Variants in PTPN12 observed in about 807,000 individuals in gnomAD.
The protein encoded by PTPN12 is protein tyrosine phosphatase non-receptor type 12, also known as tyrosine-protein phosphatase non-receptor type 12.
Under a neutral mutation model 97.6 loss-of-function variants are expected in PTPN12, and 29 were observed. The ratio of observed to expected loss-of-function variants is 0.30; its 90% confidence interval spans 0.22 to 0.41. PTPN12 has a LOEUF of 0.41. PTPN12 is among the 10% of genes least tolerant of loss of function. The pLI is 1.00. For synonymous variants in PTPN12, 327 were observed against 300.4 expected (o/e 1.09, Z -0.91); for missense variants, 819 against 926.0 (o/e 0.88, Z 1.50).
rs1225393267 is a variant in PTPN12 at position 77,632,430 on chromosome 7, G to C, written c.2074+5G>C. 7 of 1,598,864 alleles carry C rather than the reference G, an allele frequency of 4.4e-6. No homozygotes were observed. The highest frequency in any genetic ancestry group is 6.0e-6 in the Non-Finnish European group (7 of 1,166,966). ...TTGTGTTAGCAAGTGAACATAGTGA[G>C]TGTCTCTTTTGCTTTTACATTTACT... On this transcript the variant is annotated splice_donor_5th_base_variant and intron_variant, in intron 14 of 17. Coordinates refer to ENST00000248594, the MANE Select transcript of PTPN12 (RefSeq NM_002835.4).
chr7:77,543,788 C>T (rs183537844), intron 1 of PTPN12, among the ~76,000 whole-genome samples: 1 of 152,132 alleles, frequency 6.6e-6, no homozygotes, highest in Non-Finnish European at 1.5e-5. Context: ...TTGTGACTGA[C>T]TCCACCTAAC....
At chr7:77,559,619 T>C (rs571860167) in intron 1 of PTPN12, among the ~76,000 whole-genome samples, 3 of 152,366 alleles carry the variant, frequency 2.0e-5, no homozygotes, top group African/African-American at 7.2e-5. Flanking sequence ...AATAGGATGC[T>C]AAACCACAGA....
chr7:77,578,380 G>A (rs1236004920), intron 2 of PTPN12, among the ~76,000 whole-genome samples: 2 of 152,090 alleles, frequency 1.3e-5, no homozygotes, highest in Non-Finnish European at 2.9e-5. Context: ...AAAGGGGGAT[G>A]GGACATGTAG....
intron 11 of PTPN12, among the ~76,000 whole-genome samples, chr7:77,613,627 G>A (rs1173342886): frequency 6.6e-6 from 1 of 152,018 alleles, no homozygotes; most frequent in African/African-American, 2.4e-5. Flanking sequence ...GCCGAAGCAG[G>A]CAGGATCACC....
chr7:77,615,221 T>C (rs1176227029), intron 11 of PTPN12, among the ~76,000 whole-genome samples: 2 of 152,218 alleles, frequency 1.3e-5, no homozygotes, highest in African/African-American at 4.8e-5. Context: ...CCTTTTATTG[T>C]GTTTGTATAG....
At position 77,575,730 on chromosome 7, in the gene PTPN12, A is replaced by G. The variant is rs545567189; in HGVS notation, c.208+4544A>G. ...GTTTTAGGACATTTCCATCACCCCTAAAAGATCTGAGTCTTCAGCCCTGGG... is the reference window on the plus strand; with the variant it reads ...GTTTTAGGACATTTCCATCACCCCTGAAAGATCTGAGTCTTCAGCCCTGGG... On this transcript the variant is annotated intron_variant, in intron 2 of 17. Transcript: ENST00000248594. Among the ~76,000 whole-genome samples, 7 of 152,328 alleles carry G rather than the reference A, an allele frequency of 4.6e-5. No individual in the cohort carries two copies. In the South Asian group the frequency reaches 1.4e-3, roughly 32 times the overall value.
At chr7:77,609,812 C>T (rs1031721129) in intron 9 of PTPN12, among the ~76,000 whole-genome samples, 3 of 151,022 alleles carry the variant, frequency 2.0e-5, no homozygotes, top group Non-Finnish European at 2.9e-5. Context: ...ACCCGGGAGG[C>T]GGAGCTTGCA....
At chr7:77,576,079 C>T (rs1469094132) in intron 2 of PTPN12, among the ~76,000 whole-genome samples, 1 of 152,212 alleles carries the variant, frequency 6.6e-6, no homozygotes, top group Non-Finnish European at 1.5e-5. Context: ...TGGTCTCGAA[C>T]TCCTGACCTC....
At chr7:77,592,512 G>T (rs1787900780) in intron 6 of PTPN12, 1 of 334,158 alleles carries the variant, frequency 3.0e-6, no homozygotes. Context: ...TTGATAGTAG[G>T]TGTTTACATG....
chr7:77,630,619 G>A (rs908823221), intron 13 of PTPN12, among the ~76,000 whole-genome samples: 5 of 152,104 alleles, frequency 3.3e-5, no homozygotes, highest in East Asian at 3.8e-4. Flanking sequence ...TTGTTTATGC[G>A]GTCTTGTTGA....
intron 12 of PTPN12, among the ~76,000 whole-genome samples, chr7:77,620,016 C>A (rs1231928230): frequency 2.0e-5 from 3 of 152,180 alleles, no homozygotes; most frequent in Admixed American, 6.5e-5. Context: ...ATATTAAGTT[C>A]TCTAACTTCT....
intron 12 of PTPN12, among the ~76,000 whole-genome samples, chr7:77,625,472 G>GCTCTCGCTCT (rs1554326599): frequency 1.8e-4 from 6 of 33,522 alleles, no homozygotes; most frequent in Non-Finnish European, 2.5e-4. Flanking sequence ...CAGGCTGCTC[G>GCTCTCGCTCT]CTCTCTCTCT....
intron 12 of PTPN12, among the ~76,000 whole-genome samples, chr7:77,623,719 A>G (rs1789028408): frequency 6.6e-6 from 1 of 152,244 alleles, no homozygotes; most frequent in Admixed American, 6.5e-5. Flanking sequence ...GTCTCAATAA[A>G]AAATATGTAA....
chr7:77,632,490 T>A, intron 14 of PTPN12, 65 bp downstream of exon 14: 1 of 1,243,536 alleles, frequency 8.0e-7, no homozygotes, highest in Non-Finnish European at 1.2e-6. Flanking sequence ...AAAACATACC[T>A]GATTTTAATC....
At chr7:77,596,493 G>C (rs1788027335) in intron 6 of PTPN12, among the ~76,000 whole-genome samples, 1 of 152,034 alleles carries the variant, frequency 6.6e-6, no homozygotes. Flanking sequence ...ATATAGCCTT[G>C]GCCTCACTGC....
At chr7:77,564,752 T>TG (rs1808173287) in intron 1 of PTPN12, among the ~76,000 whole-genome samples, 6 of 78,362 alleles carry the variant, frequency 7.7e-5, no homozygotes, top group Non-Finnish European at 1.4e-4. Context: ...TCGTGTTTTT[T>TG]TTTTTTTTTT....
At position 77,595,555 on chromosome 7, in the gene PTPN12, G is replaced by A. The variant is rs80095195; in HGVS notation, c.493-2287G>A. 9.5e-3 allele frequency among the ~76,000 whole-genome samples: 1,448 copies of A among 152,218 alleles called. 29 individuals carry two copies. The highest frequency in any genetic ancestry group is 0.034 in the African/African-American group (1,398 of 41,542). On this transcript the variant is annotated intron_variant, in intron 6 of 17. Coordinates refer to ENST00000248594, the MANE Select transcript of PTPN12 (RefSeq NM_002835.4). The stretch of plus-strand genomic sequence containing the variant: ...GCCCACTGCCTGTTTCGTAAATAAA[G>A]TTTTGTTAGAACACATCTATATGCA...
chr7:77,537,984 G>GC (rs1213350431), intron 1 of PTPN12: 7 of 993,380 alleles, frequency 7.0e-6, no homozygotes, highest in Non-Finnish European at 8.5e-6. Flanking sequence ...AGGCCGGGGG[G>GC]GGGGGCTCGC....
chr7:77,629,305 CTTTGT>C (rs1465133146), intron 13 of PTPN12, among the ~76,000 whole-genome samples: 1 of 152,110 alleles, frequency 6.6e-6, no homozygotes, highest in Non-Finnish European at 1.5e-5. Context: ...CTTGATTTAT[CTTTGT>C]TTTATTTGAA....
Sources: allele counts gnomAD v4.1 joint callset (sites outside exome capture counted in the v4.1 genomes callset), GRCh38; gene constraint gnomAD v4.1.1; transcripts MANE v1.5; gene names NCBI Gene and HGNC (gene_info 2026-07-23, HGNC 2026-07-21).